RANBP2: variants seen among roughly 807,000 people sequenced by gnomAD.
RANBP2 encodes the protein E3 SUMO-protein ligase RanBP2.
A neutral mutation model predicts 303.6 loss-of-function variants in RANBP2; 57 were observed. The observed-to-expected ratio is 0.19, with a 90% CI of 0.15 to 0.23. The LOEUF (loss-of-function observed/expected upper bound fraction) is 0.23. Among genes scored for constraint, RANBP2 ranks in the 10% least tolerant of loss-of-function variants. The pLI is 1.00. For missense variants in RANBP2, 3,138 were observed against 3,780.8 expected, an observed-to-expected ratio of 0.83 and a Z score of 4.46; for synonymous variants, 1,167 against 1,301.5, an observed-to-expected ratio of 0.90 and a Z score of 2.23.
the RANBP2 span, among the ~76,000 whole-genome samples, chr2:109,428,363 A>T: frequency 1.6e-4 from 25 of 152,376 alleles, no homozygotes; most frequent in Non-Finnish European, 3.2e-4. Context: ...TGCTATAGAA[A>T]TAAGGAAGTA....
the RANBP2 span, among the ~76,000 whole-genome samples, chr2:109,066,168 G>A: frequency 6.6e-6 from 1 of 151,936 alleles, no homozygotes; most frequent in African/African-American, 2.4e-5. Context: ...GAGTGCAGTG[G>A]CGAAATCTTA....
At chr2:109,546,118 G>A in the RANBP2 span, 7 of 1,611,116 alleles carry the variant, frequency 4.3e-6, no homozygotes, top group South Asian at 1.1e-5. Flanking sequence ...GAAATATCTC[G>A]GAGGTAGCTT....
chr2:109,522,190 C>G, the RANBP2 span, among the ~76,000 whole-genome samples: 11 of 152,158 alleles, frequency 7.2e-5, no homozygotes, highest in African/African-American at 2.4e-4. Flanking sequence ...TTTTGTTTCT[C>G]CGGTGATCTG....
At chr2:109,251,700 T>G in the RANBP2 span, 1 of 905,702 alleles carries the variant, frequency 1.1e-6, no homozygotes, top group East Asian at 2.5e-5. Flanking sequence ...TAGGTTCTAT[T>G]TTACTATGAT....
chr2:109,669,945 G>A, the RANBP2 span, among the ~76,000 whole-genome samples: 2 of 117,772 alleles, frequency 1.7e-5, no homozygotes, highest in Non-Finnish European at 3.3e-5. Context: ...CCCCCACCAC[G>A]GGCAGTGCAG....
downstream of RANBP2, chr2:108,788,788 C>CA (rs1403067994): frequency 3.8e-6 from 6 of 1,597,908 alleles, no homozygotes; most frequent in Non-Finnish European, 4.3e-6. Context: ...GACTTATGGC[C>CA]AGTGCCAGAT....
chr2:109,315,455 A>G, the RANBP2 span, among the ~76,000 whole-genome samples: 40,117 of 152,262 alleles, frequency 0.26, 5,992 homozygotes, highest in East Asian at 0.66. Flanking sequence ...TTGTGTCTGT[A>G]GAATGCACTT....
the RANBP2 span, among the ~76,000 whole-genome samples, chr2:109,143,833 C>CAT: frequency 1.3e-5 from 2 of 151,610 alleles, no homozygotes; most frequent in African/African-American, 2.4e-5. Flanking sequence ...CACACACACA[C>CAT]GTATATACAC....
chr2:109,675,415 C>T, the RANBP2 span, among the ~76,000 whole-genome samples: 4 of 152,162 alleles, frequency 2.6e-5, no homozygotes, highest in Admixed American at 1.3e-4. Context: ...GGTGCGGTGG[C>T]TCATGCTTGT....
the RANBP2 span, among the ~76,000 whole-genome samples, chr2:109,002,014 G>A: frequency 2.2e-4 from 34 of 152,322 alleles, no homozygotes; most frequent in Admixed American, 1.8e-3. Flanking sequence ...ACAGGCATGA[G>A]CCACTGCGCC....
the RANBP2 span, among the ~76,000 whole-genome samples, chr2:109,228,732 G>A: frequency 6.6e-6 from 1 of 152,140 alleles, no homozygotes; most frequent in Non-Finnish European, 1.5e-5. Flanking sequence ...ATAGGGCGAG[G>A]TCTGGAAGGG....
the RANBP2 span, among the ~76,000 whole-genome samples, chr2:109,135,840 G>A: frequency 2.0e-5 from 3 of 152,112 alleles, no homozygotes; most frequent in Admixed American, 2.0e-4. Context: ...ATTATCAGAG[G>A]CAGTGTTCAT....
At chr2:109,703,275 A>C in the RANBP2 span, among the ~76,000 whole-genome samples, 1 of 152,188 alleles carries the variant, frequency 6.6e-6, no homozygotes, top group Admixed American at 6.5e-5. Context: ...TTTGAATTGC[A>C]AGCATTTTAT....
the RANBP2 span, among the ~76,000 whole-genome samples, chr2:108,888,683 A>G: frequency 9.6e-4 from 146 of 151,472 alleles, no homozygotes; most frequent in African/African-American, 3.3e-3. Context: ...TTCTGATTTT[A>G]TTTGGGTCTT....
chr2:109,374,343 C>T, the RANBP2 span, among the ~76,000 whole-genome samples: 1 of 152,170 alleles, frequency 6.6e-6, no homozygotes, highest in African/African-American at 2.4e-5. Context: ...ATACAGGCTC[C>T]CGGACTCTCA....
the RANBP2 span, among the ~76,000 whole-genome samples, chr2:108,879,142 T>A: frequency 3.3e-5 from 5 of 152,222 alleles, no homozygotes; most frequent in Non-Finnish European, 5.9e-5. Flanking sequence ...TATTTATTTA[T>A]TTAATTTTCT....
the RANBP2 span, chr2:109,544,777 T>C: frequency 1.2e-6 from 1 of 820,558 alleles, no homozygotes; most frequent in Non-Finnish European, 1.5e-6. Flanking sequence ...TTTATACTAT[T>C]TATTCTTTCA....
chr2:109,263,637 G>C, the RANBP2 span, among the ~76,000 whole-genome samples: 2 of 152,204 alleles, frequency 1.3e-5, no homozygotes, highest in Non-Finnish European at 1.5e-5. Context: ...ATTCTGCCAG[G>C]ACAGTCTGTC....
the RANBP2 span, chr2:109,613,452 C>T: frequency 3.7e-6 from 1 of 267,284 alleles, no homozygotes; most frequent in East Asian, 7.7e-5. Context: ...TTCAATCAGT[C>T]CGCACTGCGC....
Sources: allele counts gnomAD v4.1 joint callset (sites outside exome capture counted in the v4.1 genomes callset), GRCh38; gene constraint gnomAD v4.1.1; transcripts MANE v1.5; gene names NCBI Gene and HGNC (gene_info 2026-07-23, HGNC 2026-07-21).